The following ABCB1 variants were observed in gnomAD, a reference collection of about 807,000 sequenced individuals.
ABCB1 encodes the protein ATP-dependent translocase ABCB1.
A neutral mutation model predicts 142.0 loss-of-function variants in ABCB1; 69 were observed. The ratio of observed to expected loss-of-function variants is 0.49; its 90% CI spans 0.40 to 0.59. The LOEUF is 0.59. Ranked by LOEUF, ABCB1 falls within the 20% of genes least tolerant of loss-of-function variation. The pLI, the probability that ABCB1 is intolerant of heterozygous loss-of-function variation, is 0.00. For missense variants in ABCB1, 1,326 were observed against 1,554.7 expected, an observed-to-expected ratio of 0.85 and a Z score of 2.47; for synonymous variants, 532 against 539.2, an observed-to-expected ratio of 0.99 and a Z score of 0.18.
intron 3 of ABCB1, among the ~76,000 whole-genome samples, chr7:87,586,992 A>G (rs1283537399): frequency 1.3e-5 from 2 of 152,210 alleles, no homozygotes; most frequent in Non-Finnish European, 2.9e-5. Context: ...GGTTCATGGC[A>G]TAACTTTCCA....
At position 87,595,720 on chromosome 7, in the gene ABCB1, T is replaced by C. The variant is rs368936186; in HGVS notation, c.117+46A>G. On this transcript the variant is annotated intron_variant, in intron 3 of 27. Coordinates refer to ENST00000622132, the MANE Select transcript of ABCB1 (RefSeq NM_001348946.2). ...TATCTCTTTTCCATGTAAGGAGATG[T>C]CAAATTTCCGAAGTATTTTGAATAG... 69 of 1,449,362 alleles carry C rather than the reference T, an allele frequency of 4.8e-5. No individual in the cohort carries two copies. In the African/African-American group the frequency reaches 8.4e-4, roughly 18 times the overall value. 89.8% of individuals were successfully genotyped at this position (1,449,362 alleles called of 1,614,324 possible). A position where few individuals can be genotyped will look rare whatever the true frequency, so the allele number is the denominator to read the frequency against.
At chr7:87,634,230 A>G (rs1159229918) in intron 1 of ABCB1, among the ~76,000 whole-genome samples, 1 of 151,802 alleles carries the variant, frequency 6.6e-6, no homozygotes, top group East Asian at 1.9e-4. Flanking sequence ...GCTAGGCCCC[A>G]CCTCCCAACA....
chr7:87,693,447 G>T (rs879818719), intron 1 of ABCB1, among the ~76,000 whole-genome samples: 3 of 152,118 alleles, frequency 2.0e-5, no homozygotes, highest in Non-Finnish European at 4.4e-5. Flanking sequence ...ATTTAAAAAT[G>T]TGTATTTATT....
intron 1 of ABCB1, chr7:87,693,855 A>G (rs986662123): frequency 8.3e-6 from 13 of 1,572,402 alleles, no homozygotes; most frequent in Non-Finnish European, 1.0e-5. Context: ...TGTAAACATG[A>G]TGGCAGGTTT....
intron 1 of ABCB1, chr7:87,694,083 C>A: frequency 6.7e-7 from 1 of 1,484,302 alleles, no homozygotes; most frequent in Non-Finnish European, 8.9e-7. Flanking sequence ...GTAAAGCCTT[C>A]TTTTTTGTGT....
intron 1 of ABCB1, among the ~76,000 whole-genome samples, chr7:87,648,648 C>T (rs1174427345): frequency 6.6e-6 from 1 of 151,978 alleles, no homozygotes; most frequent in Non-Finnish European, 1.5e-5. Context: ...CACTTGAATT[C>T]TCAGTGTTTC....
At chr7:87,608,715 A>G (rs1490381640) in intron 1 of ABCB1, among the ~76,000 whole-genome samples, 2 of 152,148 alleles carry the variant, frequency 1.3e-5, no homozygotes, top group Non-Finnish European at 2.9e-5. Flanking sequence ...TTTAATCTCA[A>G]ATGAACTCTC....
At chr7:87,572,499 C>T (rs963390138) in intron 4 of ABCB1, among the ~76,000 whole-genome samples, 5 of 152,126 alleles carry the variant, frequency 3.3e-5, no homozygotes, top group East Asian at 1.9e-4. Flanking sequence ...AAGTCTAGCA[C>T]CAAGTTCCTT....
At chr7:87,582,300 T>C (rs1818542877) in intron 4 of ABCB1, among the ~76,000 whole-genome samples, 1 of 152,236 alleles carries the variant, frequency 6.6e-6, no homozygotes, top group African/African-American at 2.4e-5. Context: ...TATTTGGTTA[T>C]CACCTCCTCT....
intron 10 of ABCB1, 42 bp from the exon 11 acceptor site, chr7:87,550,620 A>T: frequency 1.3e-6 from 2 of 1,589,740 alleles, no homozygotes; most frequent in Non-Finnish European, 1.7e-6. Context: ...GGTTACAATA[A>T]CTACTTTTAG....
chr7:87,646,119 G>A (rs1822972866), intron 1 of ABCB1, among the ~76,000 whole-genome samples: 1 of 152,132 alleles, frequency 6.6e-6, no homozygotes, highest in Non-Finnish European at 1.5e-5. Context: ...AAGTAATTTA[G>A]TGCTCTGATA....
intron 4 of ABCB1, among the ~76,000 whole-genome samples, chr7:87,577,409 CTTTT>C: frequency 6.6e-6 from 1 of 152,140 alleles, no homozygotes; most frequent in Non-Finnish European, 1.5e-5. Flanking sequence ...GGTTTCCTTT[CTTTT>C]GAGTATTTCC....
At chr7:87,664,141 C>T (rs1007314928) in intron 1 of ABCB1, among the ~76,000 whole-genome samples, 3 of 152,002 alleles carry the variant, frequency 2.0e-5, no homozygotes, top group African/African-American at 7.3e-5. Context: ...CTCTGTCATT[C>T]ACTTTTAAAA....
chr7:87,522,487 C>T, intron 21 of ABCB1: 1 of 517,748 alleles, frequency 1.9e-6, no homozygotes, highest in Non-Finnish European at 3.8e-6. Context: ...CAGTTTACAA[C>T]AGATTTGTGA....
intron 1 of ABCB1, among the ~76,000 whole-genome samples, chr7:87,613,952 CTTAT>C (rs1186933692): frequency 1.3e-5 from 2 of 152,062 alleles, no homozygotes; most frequent in Non-Finnish European, 2.9e-5. Flanking sequence ...AAAGTTTATT[CTTAT>C]TTATTAATCT....
chr7:87,646,194 G>T (rs1373702746), intron 1 of ABCB1, among the ~76,000 whole-genome samples: 1 of 152,136 alleles, frequency 6.6e-6, no homozygotes, highest in Non-Finnish European at 1.5e-5. Flanking sequence ...TATGAGTAAT[G>T]TAGAAAAATA....
At chr7:87,683,962 C>T (rs1827193098) in intron 1 of ABCB1, among the ~76,000 whole-genome samples, 1 of 152,116 alleles carries the variant, frequency 6.6e-6, no homozygotes, top group Non-Finnish European at 1.5e-5. Flanking sequence ...ATTGACAGAT[C>T]AAACTGGAAT....
At chr7:87,618,558 A>T (rs1484719028) in intron 1 of ABCB1, among the ~76,000 whole-genome samples, 2 of 152,164 alleles carry the variant, frequency 1.3e-5, no homozygotes. Context: ...CACTTAATAT[A>T]CATCTCTGTA....
At chr7:87,677,835 C>G (rs958373867) in intron 1 of ABCB1, among the ~76,000 whole-genome samples, 3 of 152,092 alleles carry the variant, frequency 2.0e-5, no homozygotes, top group Non-Finnish European at 2.9e-5. Flanking sequence ...AACAACAGTT[C>G]AAGTGAATGC....
Sources: gnomAD v4.1 joint callset for allele counts (sites outside exome capture counted in the v4.1 genomes callset) on GRCh38, gnomAD v4.1.1 for gene constraint, MANE v1.5 for transcripts, NCBI Gene and HGNC (gene_info 2026-07-23, HGNC 2026-07-21) for gene names.